LYST: variants seen among roughly 807,000 people sequenced by gnomAD.
LYST encodes lysosomal trafficking regulator.
In LYST, 192 loss-of-function variants were observed where a neutral mutation model predicts 413.6. The ratio of observed to expected loss-of-function variants is 0.46; its 90% confidence interval spans 0.41 to 0.52. The LOEUF is 0.52. Ranked by LOEUF, LYST falls within the 20% of genes least tolerant of loss-of-function variation. The pLI, the probability that LYST is intolerant of heterozygous loss-of-function variation, is 0.00. For synonymous variants in LYST, 1,525 were observed against 1,567.3 expected (o/e 0.97, Z 0.64); for missense variants, 3,815 against 4,499.9 (o/e 0.85, Z 4.35).
Position 235,674,206 on chromosome 1 carries a change from C to T in LYST, c.11038+2885G>A, listed in dbSNP as rs888635244. ...GGCATTCCTTGGAAGCCTAACAGGACGCAGTGAATCTAAGCCTTTTCAAGA... is the reference window on the plus strand; with the variant it reads ...GGCATTCCTTGGAAGCCTAACAGGATGCAGTGAATCTAAGCCTTTTCAAGA... On this transcript the variant is annotated intron_variant, in intron 50 of 52. Transcript: ENST00000389793. The surrounding 1 kb of genome is among the most constrained non-coding windows in gnomAD (Gnocchi z 4.1). Among the ~76,000 whole-genome samples, 1 of 152,112 alleles carries T rather than the reference C, an allele frequency of 6.6e-6. No homozygotes were observed. The highest frequency in any genetic ancestry group is 1.9e-4 in the East Asian group (1 of 5,190).
intron 2 of LYST, among the ~76,000 whole-genome samples, chr1:235,832,718 T>A (rs749227321): frequency 5.9e-5 from 9 of 152,166 alleles, no homozygotes; most frequent in Non-Finnish European, 1.0e-4. Context: ...CTTTTTATTA[T>A]CATAAACAAA....
intron 5 of LYST, among the ~76,000 whole-genome samples, chr1:235,807,265 C>T (rs537134368): frequency 6.6e-6 from 1 of 152,266 alleles, no homozygotes; most frequent in East Asian, 1.9e-4. Flanking sequence ...CTACGGAAGG[C>T]TCAGCATCAC....
chr1:235,856,837 T>A (rs565990978), intron 1 of LYST, among the ~76,000 whole-genome samples: 28 of 152,130 alleles, frequency 1.8e-4, no homozygotes, highest in African/African-American at 6.8e-4. Flanking sequence ...TAAGTCATAA[T>A]GCAGTAAAGG....
intron 38 of LYST, 57 bp from the exon 39 acceptor site, chr1:235,724,237 T>G: frequency 1.2e-5 from 17 of 1,418,568 alleles, no homozygotes; most frequent in Non-Finnish European, 1.7e-5. Context: ...AATAATTACT[T>G]TAATTTTAGA....
At chr1:235,730,367 T>C (rs924783999) in intron 36 of LYST, among the ~76,000 whole-genome samples, 2 of 152,048 alleles carry the variant, frequency 1.3e-5, no homozygotes, top group African/African-American at 4.8e-5. Context: ...TTGCCTAAGA[T>C]TAAAGAGCTA....
At chr1:235,816,572 T>G (rs1415195504) in intron 3 of LYST, among the ~76,000 whole-genome samples, 1 of 150,904 alleles carries the variant, frequency 6.6e-6, no homozygotes, top group Non-Finnish European at 1.5e-5. Flanking sequence ...ATTCTAAAAT[T>G]CATATGGAAT....
At position 235,772,067 on chromosome 1, in the gene LYST, A is replaced by G. The variant is rs915108905; in HGVS notation, c.5785-1770T>C. ...GTGAGACTTCATCTCTACAAAAAAAAATTAAAAATTATCCAAGCATGGTGG... is the reference window on the plus strand; with the variant it reads ...GTGAGACTTCATCTCTACAAAAAAAGATTAAAAATTATCCAAGCATGGTGG... On this transcript the variant is annotated intron_variant, in intron 19 of 52. Coordinates refer to ENST00000389793, the MANE Select transcript of LYST (RefSeq NM_000081.4). Among the ~76,000 whole-genome samples, 5 of 151,894 alleles carry G rather than the reference A, an allele frequency of 3.3e-5. No individual in the cohort carries two copies. In the East Asian group the frequency reaches 9.7e-4, roughly 30 times the overall value.
upstream of LYST, among the ~76,000 whole-genome samples, chr1:235,871,860 C>A (rs1463860177): frequency 2.0e-5 from 3 of 152,246 alleles, no homozygotes; most frequent in African/African-American, 7.2e-5. Context: ...TACTCAAAAA[C>A]TCTCACGTCC....
intron 28 of LYST, among the ~76,000 whole-genome samples, chr1:235,749,078 C>T (rs1279232441): frequency 6.6e-6 from 1 of 152,154 alleles, no homozygotes; most frequent in Non-Finnish European, 1.5e-5. Flanking sequence ...AATTCATTAC[C>T]TAATTGATAG....
At chr1:235,700,475 T>C (rs12069455) in intron 45 of LYST, among the ~76,000 whole-genome samples, 5,098 of 152,278 alleles carry the variant, frequency 0.033, 272 homozygotes, top group African/African-American at 0.12. Flanking sequence ...TTTATTGAAA[T>C]GCTTTTTATA....
chr1:235,880,456 A>G (rs1681331222), intron 1 of LYST, among the ~76,000 whole-genome samples: 1 of 152,200 alleles, frequency 6.6e-6, no homozygotes, highest in Admixed American at 6.5e-5. Flanking sequence ...TCATCATTTG[A>G]CACCGTCATA....
At chr1:235,679,724 A>G (rs149855689) in intron 48 of LYST, among the ~76,000 whole-genome samples, 1 of 152,250 alleles carries the variant, frequency 6.6e-6, no homozygotes. Context: ...AGGGAATTCC[A>G]GGGTTCTCCC....
intron 50 of LYST, among the ~76,000 whole-genome samples, chr1:235,667,930 G>T (rs560901068): frequency 3.3e-5 from 5 of 152,132 alleles, no homozygotes; most frequent in African/African-American, 1.2e-4. Context: ...CCAAAGTGCA[G>T]GGATTACAGG....
At chr1:235,676,456 A>G (rs145717272) in intron 50 of LYST, among the ~76,000 whole-genome samples, 1 of 152,332 alleles carries the variant, frequency 6.6e-6, no homozygotes, top group East Asian at 1.9e-4. Flanking sequence ...ACAGCAATCA[A>G]TGACAGGGGA....
At chr1:235,739,137 T>C (rs1353045244) in intron 31 of LYST, 2 of 488,972 alleles carry the variant, frequency 4.1e-6, no homozygotes, top group Admixed American at 4.7e-5. Context: ...AGGTTAGAAA[T>C]AGGAATGGTT....
rs1257244731 is a variant in LYST, at chr1:235,800,965, C to T, written c.3845G>A (p.Ser1282Asn). Reference protein sequence around the residue: ...CMLELNLLSASKAKLDVLAHV... With the variant: ...CMLELNLLSANKAKLDVLAHV... The stretch of plus-strand genomic sequence containing the variant: ...GGCAAGCACATCAAGTTTGGCTTTA[C>T]TAGCAGAAAGCAAATTTAATTCCAG... Residue 1282 changes from serine to asparagine, a missense_variant, in exon 9 of 53, where the codon AGT becomes AAT. Transcript: ENST00000389793. The T allele has an allele frequency of 2.5e-6, 4 of 1,613,480 alleles. No individual in the cohort carries two copies. In the South Asian group the frequency reaches 3.3e-5, roughly 13 times the overall value.
intron 48 of LYST, among the ~76,000 whole-genome samples, chr1:235,681,253 G>A (rs752860944): frequency 2.0e-5 from 3 of 152,192 alleles, no homozygotes; most frequent in Non-Finnish European, 2.9e-5. Flanking sequence ...TAAGAAGACA[G>A]CATGTGTGAG....
intron 34 of LYST, among the ~76,000 whole-genome samples, chr1:235,732,065 C>CT (rs543859627): frequency 2.0e-4 from 30 of 147,836 alleles, no homozygotes; most frequent in Admixed American, 3.4e-4. Flanking sequence ...CGGTTGTTGT[C>CT]TTTTTTTTTT....
At chr1:235,829,599 A>G (rs1191693433) in intron 3 of LYST, 1 of 152,238 alleles carries the variant, frequency 6.6e-6, no homozygotes, top group African/African-American at 2.4e-5. Flanking sequence ...AAATTAATTT[A>G]TGTGAGTACT....
Sources: allele counts gnomAD v4.1 joint callset (sites outside exome capture counted in the v4.1 genomes callset), GRCh38; gene constraint gnomAD v4.1.1; non-coding constraint Gnocchi (gnomAD v3.1); transcripts MANE v1.5; gene names NCBI Gene and HGNC (gene_info 2026-07-23, HGNC 2026-07-21).